The following IL36RN variants were observed in gnomAD, a reference collection of about 807,000 sequenced individuals.
IL36RN encodes interleukin-36 receptor antagonist protein.
IL36RN carries 11 observed loss-of-function variants against 13.0 expected under a neutral mutation model. That is an observed-to-expected ratio of 0.85 (90% confidence interval 0.53 to 1.40). The LOEUF is 1.40. Among genes scored for constraint, IL36RN ranks in the 40% most tolerant of loss-of-function variants. The pLI is 0.00. For synonymous variants in IL36RN, 94 were observed against 84.1 expected, an observed-to-expected ratio of 1.12 and a Z score of -0.64; for missense variants, 195 against 195.3, an observed-to-expected ratio of 1.00 and a Z score of 0.01.
At position 113,064,510 on chromosome 2, in the gene IL36RN, C is replaced by T. The variant is rs188841863; in HGVS notation, c.*1833C>T. On this transcript the variant is annotated 3_prime_UTR_variant, in exon 5 of 5. Transcript: ENST00000393200. ...ACTTGAGCCCTCTCTCTCTGCCACC[C>T]ACCGCCCCCAATCTATCTTGGCTCA... 5.3e-5 allele frequency: 8 copies of T among 152,332 alleles called. No homozygotes were observed. Among genetic ancestry groups the T allele is most frequent in the Non-Finnish European group, 7.3e-5 (5 of 68,072 alleles). The allele number at this position is 152,332 out of a possible 1,614,324, so 9.4% of individuals were successfully genotyped here.
At position 113,064,183 on chromosome 2, in the gene IL36RN, A is replaced by C. The variant is rs1685697573; in HGVS notation, c.*1506A>C. ...CATCAGAAGCTTGGAAGAGGCAAAG[A>C]AGAATTCTTCCCTAGAGGCTTTAGA... On this transcript the variant is annotated 3_prime_UTR_variant, in exon 5 of 5. Transcript: ENST00000393200. The C allele has an allele frequency of 1.3e-5, 2 of 152,212 alleles. No homozygotes were observed. Among genetic ancestry groups the C allele is most frequent in the South Asian group, 4.1e-4 (2 of 4,826 alleles). The allele number at this position is 152,212 out of a possible 1,614,324, so 9.4% of individuals were successfully genotyped here.
rs1685707515 is a variant in IL36RN at position 113,064,610 on chromosome 2, T to A, written c.*1933T>A. ...GACTTACGTGGTAAAAAATGAAGTCTCCTGCCCACAGCCACATTAGTGAAC... is the reference window on the plus strand; with the variant it reads ...GACTTACGTGGTAAAAAATGAAGTCACCTGCCCACAGCCACATTAGTGAAC... On this transcript the variant is annotated 3_prime_UTR_variant, in exon 5 of 5. Transcript: ENST00000393200. 1 of 152,158 alleles carries A rather than the reference T, an allele frequency of 6.6e-6. No homozygotes were observed. Among genetic ancestry groups the A allele is most frequent in the Non-Finnish European group, 1.5e-5 (1 of 68,032 alleles). 9.4% of individuals were successfully genotyped at this position (152,158 alleles called of 1,614,324 possible). A position where few individuals can be genotyped will look rare whatever the true frequency, so the allele number is the denominator to read the frequency against.
rs1294539931 is a variant in IL36RN, at chr2:113,060,794, C to A, written c.30-58C>A. 8.3e-6 allele frequency: 10 copies of A among 1,209,980 alleles called. No homozygotes were observed. The Admixed American group carries it at 1.6e-4, about 19-fold the overall frequency. The allele number at this position is 1,209,980 out of a possible 1,614,324, so 75.0% of individuals were successfully genotyped here. Reference sequence around the variant, plus strand: ...ATCAGGGGGTTCTCTGGATCCAGGGCATGCTGGAGTGTCCACCCTCCTCCT... The same window carrying A: ...ATCAGGGGGTTCTCTGGATCCAGGGAATGCTGGAGTGTCCACCCTCCTCCT... On this transcript the variant is annotated intron_variant, in intron 2 of 4. Transcript: ENST00000393200.
At position 113,062,704 on chromosome 2, in the gene IL36RN, G is replaced by T. The variant is rs1239710316; in HGVS notation, c.*27G>T. On this transcript the variant is annotated 3_prime_UTR_variant, in exon 5 of 5. Coordinates refer to ENST00000393200, the MANE Select transcript of IL36RN (RefSeq NM_012275.3). ...GCAACGTGCCCCCCAGAACTCCCTGGGCAGAGCCAGCTCGGGTGAGGGGTG... is the reference window on the plus strand; with the variant it reads ...GCAACGTGCCCCCCAGAACTCCCTGTGCAGAGCCAGCTCGGGTGAGGGGTG... The T allele has an allele frequency of 6.3e-7, 1 of 1,594,756 alleles. No individual in the cohort carries two copies. Among genetic ancestry groups the T allele is most frequent in the Admixed American group, 1.7e-5 (1 of 59,634 alleles).
chr2:113,059,222 G>C lies in IL36RN; in HGVS notation c.-47G>C, dbSNP rs886054765. 1 of 625,576 alleles carries C rather than the reference G, an allele frequency of 1.6e-6. No homozygotes were observed. The highest frequency in any genetic ancestry group is 1.8e-5 in the African/African-American group (1 of 55,120). The allele number at this position is 625,576 out of a possible 1,614,324, so 38.8% of individuals were successfully genotyped here. A position where few individuals can be genotyped will look rare whatever the true frequency, so the allele number is the denominator to read the frequency against. ...CAGGCAGACTCCACAGCTCCCGCCA[G>C]GAGAAAGGAACATTCTGAGGTATGC... is the stretch of plus-strand genomic sequence containing the variant. On this transcript the variant is annotated 5_prime_UTR_variant, in exon 1 of 5. Coordinates refer to ENST00000393200, the MANE Select transcript of IL36RN (RefSeq NM_012275.3).
At position 113,062,658 on chromosome 2, in the gene IL36RN, A is replaced by G. The variant is rs770371053; in HGVS notation, c.449A>G (p.Tyr150Cys). Reference sequence around the variant, plus strand: ...TGGAATGCCCCCATCACAGACTTCTACTTCCAGCAGTGTGACTAGGGCAAC... The same window carrying G: ...TGGAATGCCCCCATCACAGACTTCTGCTTCCAGCAGTGTGACTAGGGCAAC... Reference protein sequence around the residue: ...GGWNAPITDFYFQQCD With the variant: ...GGWNAPITDFCFQQCD Residue 150 changes from tyrosine (Y) to cysteine (C), a missense_variant, in exon 5 of 5, where the codon TAC becomes TGC. Coordinates refer to ENST00000393200, the MANE Select transcript of IL36RN (RefSeq NM_012275.3). 2 of 1,611,768 alleles carry G rather than the reference A, an allele frequency of 1.2e-6. No homozygotes were observed. Among genetic ancestry groups the G allele is most frequent in the South Asian group, 2.2e-5 (2 of 91,060 alleles).
chr2:113,059,055 C>G, upstream of IL36RN: 1 of 309,300 alleles, frequency 3.2e-6, no homozygotes, highest in South Asian at 3.6e-5. Context: ...TCCCTCCCCA[C>G]GACAGATAAT....
In IL36RN at chr2:113,064,731, C is replaced by T. The variant is rs1431014199; in HGVS notation, c.*2054C>T. 1 of 152,182 alleles carries T rather than the reference C, an allele frequency of 6.6e-6. No individual in the cohort carries two copies. Among genetic ancestry groups the T allele is most frequent in the East Asian group, 1.9e-4 (1 of 5,198 alleles). The allele number at this position is 152,182 out of a possible 1,614,324, so 9.4% of individuals were successfully genotyped here. A position where few individuals can be genotyped will look rare whatever the true frequency, so the allele number is the denominator to read the frequency against. The stretch of plus-strand genomic sequence containing the variant: ...TATGCAGCAATAGATAAATAATATG[C>T]AGAGAAAGAGAAACAAATGCATTTG... On this transcript the variant is annotated 3_prime_UTR_variant, in exon 5 of 5. Transcript: ENST00000393200.
In IL36RN at chr2:113,062,222, G is replaced by T; in HGVS notation, c.214G>T (p.Val72Leu). ...QGGSQCLSCG[V>L]GQEPTLTLEP... Reference sequence around the variant, plus strand: ...TGGAAGCCAGTGCCTGTCATGTGGGGTGGGGCAGGAGCCGACTCTAACACT... The same window carrying T: ...TGGAAGCCAGTGCCTGTCATGTGGGTTGGGGCAGGAGCCGACTCTAACACT... Residue 72 changes from valine (V) to leucine (L), a missense_variant, in exon 4 of 5, where the codon GTG becomes TTG. Physicochemically the swap from Val to Leu is conservative, Grantham distance 32 (BLOSUM62 1). Transcript: ENST00000393200. The T allele has an allele frequency of 6.2e-7, 1 of 1,614,098 alleles. No individual in the cohort carries two copies. Among genetic ancestry groups the T allele is most frequent in the Non-Finnish European group, 8.5e-7 (1 of 1,179,988 alleles).
At chr2:113,058,735 G>A (rs1490621026), upstream of IL36RN, 1 of 152,400 alleles carries the variant, frequency 6.6e-6, no homozygotes, top group East Asian at 1.9e-4. Context: ...GAAGGAAGGA[G>A]TGAAAAAGGT....
intron 2 of IL36RN, among the ~76,000 whole-genome samples, chr2:113,060,596 A>G (rs1685621840): frequency 6.6e-6 from 1 of 152,180 alleles, no homozygotes; most frequent in African/African-American, 2.4e-5. Context: ...CTCTTCCAGC[A>G]GGAGATGGGT....
intron 3 of IL36RN, among the ~76,000 whole-genome samples, chr2:113,061,811 A>G (rs1468034756): frequency 6.6e-6 from 1 of 152,158 alleles, no homozygotes; most frequent in Non-Finnish European, 1.5e-5. Flanking sequence ...TTATCAAGAC[A>G]GGGTTCAGAA....
chr2:113,059,429 G>A lies in IL36RN; in HGVS notation c.-10G>A, dbSNP rs761587382. ...CAAAATAGGGGAGTCTACACCCTGT[G>A]GAGCTCAAGATGGTCCTGAGTGGGG... On this transcript the variant is annotated 5_prime_UTR_variant, in exon 2 of 5. Transcript: ENST00000393200. 6.2e-7 allele frequency: 1 copy of A among 1,613,940 alleles called. No individual in the cohort carries two copies. Among genetic ancestry groups the A allele is most frequent in the East Asian group, 2.2e-5 (1 of 44,880 alleles).
At chr2:113,061,997 G>A (rs1685649939) in intron 3 of IL36RN, 127 bp from the exon 4 acceptor site, 2 of 1,298,784 alleles carry the variant, frequency 1.5e-6, no homozygotes, top group Admixed American at 2.0e-5. Flanking sequence ...GACAGCTGCT[G>A]AGAAGCCTCC....
rs371695955 is a variant in IL36RN, at chr2:113,062,423, C to T, written c.244-30C>T. Reference sequence around the variant, plus strand: ...CCCTCCCTCTGCCCCTGCTTCTGCCCTCACCTGACCTCCCCTCCTCTGCCG... The same window carrying T: ...CCCTCCCTCTGCCCCTGCTTCTGCCTTCACCTGACCTCCCCTCCTCTGCCG... On this transcript the variant is annotated intron_variant, in intron 4 of 4. Transcript: ENST00000393200. The T allele has an allele frequency of 1.3e-4, 208 of 1,612,840 alleles. No individual in the cohort carries two copies. The African/African-American group carries it at 2.1e-3, about 16-fold the overall frequency.
In IL36RN at chr2:113,063,022, G is replaced by A. The variant is rs1423458748; in HGVS notation, c.*345G>A. Reference sequence around the variant, plus strand: ...ACTGACCAGTGTTACCCTGAGCCCCGCAGGCCAACCCATCCCCAGTTGAGC... The same window carrying A: ...ACTGACCAGTGTTACCCTGAGCCCCACAGGCCAACCCATCCCCAGTTGAGC... On this transcript the variant is annotated 3_prime_UTR_variant, in exon 5 of 5. Transcript: ENST00000393200. 6 of 374,190 alleles carry A rather than the reference G, an allele frequency of 1.6e-5. No individual in the cohort carries two copies. Among genetic ancestry groups the A allele is most frequent in the South Asian group, 4.2e-5 (2 of 47,096 alleles). 23.2% of individuals were successfully genotyped at this position (374,190 alleles called of 1,614,324 possible).
intron 3 of IL36RN, 122 bp from the exon 4 acceptor site, chr2:113,062,002 G>A: frequency 7.4e-7 from 1 of 1,344,586 alleles, no homozygotes; most frequent in Non-Finnish European, 1.0e-6. Context: ...CTGCTGAGAA[G>A]CCTCCCTTCT....
Position 113,062,530 on chromosome 2 carries a change from C to A in IL36RN, c.321C>A (p.Leu107=). The A allele has an allele frequency of 6.2e-7, 1 of 1,614,124 alleles. No individual in the cohort carries two copies. Among genetic ancestry groups the A allele is most frequent in the Non-Finnish European group, 8.5e-7 (1 of 1,180,034 alleles). The stretch of plus-strand genomic sequence containing the variant: ...CCTTCTACCGGCGGGACATGGGGCT[C>A]ACCTCCAGCTTCGAGTCGGCTGCCT... ...SFTFYRRDMG[L]TSSFESAAYP... The change falls in exon 5 of 5, where the codon CTC becomes CTA. Residue 107 remains leucine (L), a synonymous_variant. Coordinates refer to ENST00000393200, the MANE Select transcript of IL36RN (RefSeq NM_012275.3).
In IL36RN at chr2:113,063,329, C is replaced by G. The variant is rs1442599402; in HGVS notation, c.*652C>G. The G allele has an allele frequency of 1.3e-5, 2 of 157,438 alleles. No individual in the cohort carries two copies. The highest frequency in any genetic ancestry group is 4.8e-5 in the African/African-American group (2 of 41,456). 9.8% of individuals were successfully genotyped at this position (157,438 alleles called of 1,614,324 possible). A position where few individuals can be genotyped will look rare whatever the true frequency, so the allele number is the denominator to read the frequency against. ...AAAAACCCAAGATACAATCAAAATC[C>G]CAGATGCTGGTCTCTATTCCCATGA... On this transcript the variant is annotated 3_prime_UTR_variant, in exon 5 of 5. Transcript: ENST00000393200.
Sources: allele counts gnomAD v4.1 joint callset (sites outside exome capture counted in the v4.1 genomes callset), GRCh38; gene constraint gnomAD v4.1.1; transcripts MANE v1.5; gene names NCBI Gene and HGNC (gene_info 2026-07-23, HGNC 2026-07-21).